ZC3H3: variants seen among roughly 807,000 people sequenced by gnomAD.
ZC3H3 encodes zinc finger CCCH-type containing 3, also known as zinc finger CCCH domain-containing protein 3.
A neutral mutation model predicts 77.3 loss-of-function variants in ZC3H3; 36 were observed. That is an observed-to-expected ratio of 0.47 (90% CI 0.36 to 0.61). ZC3H3 has a LOEUF of 0.61. ZC3H3 is among the 20% of genes least tolerant of loss of function. The probability of loss-of-function intolerance (pLI) is 0.00; values close to 1 mark genes in which losing one functional copy is unlikely to be tolerated. For missense variants in ZC3H3, 1,331 were observed against 1,312.2 expected, an observed-to-expected ratio of 1.01 and a Z score of -0.22; for synonymous variants, 626 against 555.2, an observed-to-expected ratio of 1.13 and a Z score of -1.79.
chr8:143,536,510 C>G (rs1313906040), intron 2 of ZC3H3, 57 bp from the exon 3 acceptor site: 16 of 1,434,456 alleles, frequency 1.1e-5, no homozygotes, highest in Non-Finnish European at 1.4e-5. Context: ...TGCCCACCCA[C>G]CCTTCCTCAC....
At position 143,475,435 on chromosome 8, in the gene ZC3H3, C is replaced by T; in HGVS notation, c.1866G>A (p.Gln622=). The change falls in exon 5 of 12, where the codon CAG becomes CAA. Residue 622 remains glutamine, a synonymous_variant. Coordinates refer to ENST00000262577, the MANE Select transcript of ZC3H3 (RefSeq NM_015117.3). ...GGGGCCTGCTGCCCGCATCACTGGGCTGGCCGGAGGTCTTGGAGAGCTTGT... is the reference window on the plus strand; with the variant it reads ...GGGGCCTGCTGCCCGCATCACTGGGTTGGCCGGAGGTCTTGGAGAGCTTGT... The part of the protein sequence containing the change: ...SANKLSKTSG[Q]PSDAGSRPLL... The T allele has an allele frequency of 6.2e-7, 1 of 1,613,130 alleles. No homozygotes were observed.
chr8:143,512,691 C>A (rs2007117365), intron 3 of ZC3H3, among the ~76,000 whole-genome samples: 1 of 152,226 alleles, frequency 6.6e-6, no homozygotes, highest in Admixed American at 6.5e-5. Context: ...CCGCCCCACT[C>A]ACTGGCTGGG....
rs1360199339 is a variant in ZC3H3, at chr8:143,465,778, A to G, written c.2246T>C (p.Val749Ala). ...NSNCPYSHVYVSRKAEVCSDF... is the reference protein window; with the variant it reads ...NSNCPYSHVYASRKAEVCSDF... Reference sequence around the variant, plus strand: ...GCTGCAGACCTCGGCCTTGCGGGACACGTACACGTGGCTATAGGGACAGTT... The same window carrying G: ...GCTGCAGACCTCGGCCTTGCGGGACGCGTACACGTGGCTATAGGGACAGTT... The change falls in exon 9 of 12, where the codon GTG (valine) becomes GCG (alanine). Residue 749 changes from valine to alanine, a missense_variant. Transcript: ENST00000262577. 1 of 1,613,778 alleles carries G rather than the reference A, an allele frequency of 6.2e-7. No individual in the cohort carries two copies. Among genetic ancestry groups the G allele is most frequent in the African/African-American group, 1.3e-5 (1 of 74,926 alleles).
At chr8:143,451,607 C>T (rs1380882343) in intron 9 of ZC3H3, among the ~76,000 whole-genome samples, 1 of 151,708 alleles carries the variant, frequency 6.6e-6, no homozygotes, top group East Asian at 1.9e-4. Flanking sequence ...AACATGGTGA[C>T]ACCCTGTCTC....
intron 9 of ZC3H3, among the ~76,000 whole-genome samples, chr8:143,458,598 A>AGTT: frequency 8.0e-6 from 1 of 125,770 alleles, no homozygotes. Flanking sequence ...TGAGCCCAGG[A>AGTT]CACAGCTGGG....
Position 143,507,836 on chromosome 8 carries a change from A to G in ZC3H3, c.1625T>C (p.Ile542Thr). The G allele has an allele frequency of 6.2e-6, 10 of 1,610,380 alleles. No homozygotes were observed. Among genetic ancestry groups the G allele is most frequent in the Admixed American group, 1.7e-5 (1 of 59,902 alleles). Residue 542 changes from isoleucine to threonine, a missense_variant, in exon 4 of 12, where the codon ATT becomes ACT. Physicochemically the swap from Ile to Thr is moderately conservative, Grantham distance 89 (BLOSUM62 -1). Around this residue, in one of 3 missense-constraint regions of ZC3H3, gnomAD observed 978 missense variants for 915.5 expected, o/e 1.07. Transcript: ENST00000262577. ...AGGCGAGGCCGGCGTCTTCTTGACA[A>G]TGCGGTAGCGGGTCTTGATCACCTT... ...TSKVIKTRYR[I>T]VKKTPASPLS...
intron 3 of ZC3H3, among the ~76,000 whole-genome samples, chr8:143,529,192 G>A (rs529194369): frequency 3.3e-5 from 5 of 152,330 alleles, no homozygotes; most frequent in Admixed American, 2.6e-4. Context: ...GAGAGAAAGC[G>A]GTTGGGTTTT....
chr8:143,523,356 C>A (rs911769458), intron 3 of ZC3H3: 19 of 985,440 alleles, frequency 1.9e-5, no homozygotes, highest in Non-Finnish European at 2.3e-5. Context: ...GGGGGTCCCA[C>A]AAGAGCAGGC....
chr8:143,506,019 C>T (rs148707790), intron 4 of ZC3H3, among the ~76,000 whole-genome samples: 253 of 152,308 alleles, frequency 1.7e-3, no homozygotes, highest in African/African-American at 5.8e-3. Context: ...CACATGGCGC[C>T]GACAGGAGGC....
chr8:143,499,768 G>A lies in ZC3H3; in HGVS notation c.1715+7978C>T, dbSNP rs397421. Among the ~76,000 whole-genome samples, 1,243 of 152,226 alleles carry A rather than the reference G, an allele frequency of 8.2e-3. 8 individuals are homozygous for A. The highest frequency in any genetic ancestry group is 0.028 in the African/African-American group (1,176 of 41,542). The stretch of plus-strand genomic sequence containing the variant: ...CTGGGGACCGGGCCAAGCTAGACAC[G>A]GGCAGACACAGGGCTTCAGCACTCT... On this transcript the variant is annotated intron_variant, in intron 4 of 11. Transcript: ENST00000262577.
intron 4 of ZC3H3, among the ~76,000 whole-genome samples, chr8:143,489,332 C>A (rs1198163882): frequency 7.1e-6 from 1 of 140,860 alleles, no homozygotes; most frequent in African/African-American, 2.6e-5. Flanking sequence ...GGCCTGGTTC[C>A]AAGAAGCTGG....
intron 4 of ZC3H3, among the ~76,000 whole-genome samples, chr8:143,490,636 C>G (rs1022457517): frequency 6.6e-6 from 1 of 152,212 alleles, no homozygotes; most frequent in South Asian, 2.1e-4. Flanking sequence ...TACTGATGGC[C>G]GGGTGCAGTG....
At chr8:143,442,322 G>A (rs1409819337) in intron 9 of ZC3H3, among the ~76,000 whole-genome samples, 1 of 151,372 alleles carries the variant, frequency 6.6e-6, no homozygotes. Flanking sequence ...AGTGCTTTGG[G>A]GCCCAGAGAC....
Position 143,530,700 on chromosome 8 carries a change from C to G in ZC3H3, c.1561+5557G>C, listed in dbSNP as rs1340921230. Among the ~76,000 whole-genome samples the G allele has an allele frequency of 2.6e-5, 4 of 152,182 alleles. No individual in the cohort carries two copies. The highest frequency in any genetic ancestry group is 9.7e-5 in the African/African-American group (4 of 41,444). Reference sequence around the variant, plus strand: ...CGAAGCTGGCCCCACTTCCCCCGCACCACAGTGAGAGCCTGGCCACAGTGC... The same window carrying G: ...CGAAGCTGGCCCCACTTCCCCCGCAGCACAGTGAGAGCCTGGCCACAGTGC... On this transcript the variant is annotated intron_variant, in intron 3 of 11. Coordinates refer to ENST00000262577, the MANE Select transcript of ZC3H3 (RefSeq NM_015117.3). The surrounding 1 kb of genome is among the most constrained non-coding windows in gnomAD (Gnocchi z 4.3).
At chr8:143,503,663 C>T (rs1290157242) in intron 4 of ZC3H3, among the ~76,000 whole-genome samples, 20 of 147,674 alleles carry the variant, frequency 1.4e-4, no homozygotes, top group Middle Eastern at 3.5e-3. Flanking sequence ...ACCACCACCT[C>T]CTCCAGCACC....
intron 4 of ZC3H3, among the ~76,000 whole-genome samples, chr8:143,499,940 T>C (rs1008377041): frequency 3.3e-5 from 5 of 152,156 alleles, no homozygotes; most frequent in Non-Finnish European, 7.4e-5. Context: ...GGCCTGCTCC[T>C]CACCGGGGGC....
intron 4 of ZC3H3, among the ~76,000 whole-genome samples, chr8:143,486,177 T>C (rs1171942068): frequency 6.6e-6 from 1 of 152,234 alleles, no homozygotes; most frequent in Non-Finnish European, 1.5e-5. Flanking sequence ...ACACATGGCG[T>C]ATCCATATCA....
At chr8:143,464,346 T>G (rs1420915912) in intron 9 of ZC3H3, among the ~76,000 whole-genome samples, 1 of 152,230 alleles carries the variant, frequency 6.6e-6, no homozygotes, top group African/African-American at 2.4e-5. Context: ...CCACAGGGTC[T>G]GGGGCTGCCC....
Position 143,439,896 on chromosome 8 carries a change from G to T in ZC3H3, c.2815+145C>A, listed in dbSNP as rs1586866471. On this transcript the variant is annotated intron_variant, in intron 11 of 11. Coordinates refer to ENST00000262577, the MANE Select transcript of ZC3H3 (RefSeq NM_015117.3). Reference sequence around the variant, plus strand: ...GCCTACCTGAGTCCTTGGTGAGGGAGGCCCTGGGGGCCCGAGCCAGGCCAT... The same window carrying T: ...GCCTACCTGAGTCCTTGGTGAGGGATGCCCTGGGGGCCCGAGCCAGGCCAT... 6 of 487,444 alleles carry T rather than the reference G, an allele frequency of 1.2e-5. No individual in the cohort carries two copies. In the East Asian group the frequency reaches 2.0e-4, roughly 16 times the overall value. The allele number at this position is 487,444 out of a possible 1,614,324, so 30.2% of individuals were successfully genotyped here. A position where few individuals can be genotyped will look rare whatever the true frequency, so the allele number is the denominator to read the frequency against.
Sources: gnomAD v4.1 joint callset for allele counts (sites outside exome capture counted in the v4.1 genomes callset) on GRCh38, gnomAD v4.1.1 for gene constraint, gnomAD v4.1.1 regional missense constraint, Gnocchi (gnomAD v3.1) non-coding constraint, MANE v1.5 for transcripts, NCBI Gene and HGNC (gene_info 2026-07-23, HGNC 2026-07-21) for gene names.